FBXL17: variants seen among roughly 807,000 people sequenced by gnomAD.
FBXL17 encodes the protein F-box and leucine rich repeat protein 17, also known as F-box/LRR-repeat protein 17.
FBXL17 carries 22 observed loss-of-function variants against 66.2 expected under a neutral mutation model. That is an observed-to-expected ratio of 0.33 (90% CI 0.24 to 0.47). FBXL17 has a LOEUF of 0.47. Ranked by LOEUF, FBXL17 falls within the 20% of genes least tolerant of loss-of-function variation. The probability of loss-of-function intolerance (pLI) is 1.00; values close to 1 mark genes in which losing one functional copy is unlikely to be tolerated. For synonymous variants in FBXL17, 474 were observed against 400.5 expected (o/e 1.18, Z -2.19); for missense variants, 878 against 948.2 (o/e 0.93, Z 0.97).
intron 7 of FBXL17, among the ~76,000 whole-genome samples, chr5:107,902,575 T>G (rs993661237): frequency 6.6e-6 from 1 of 152,100 alleles, no homozygotes; most frequent in African/African-American, 2.4e-5. Context: ...ACAGGTAAAT[T>G]CGGATTATCC....
intron 7 of FBXL17, among the ~76,000 whole-genome samples, chr5:107,959,065 A>G (rs921458207): frequency 3.3e-5 from 5 of 152,160 alleles, no homozygotes; most frequent in Admixed American, 6.6e-5. Context: ...TGGTGCTTAC[A>G]TCAGAGGGCC....
intron 7 of FBXL17, among the ~76,000 whole-genome samples, chr5:107,940,242 T>TTCATTC (rs1751046683): frequency 6.6e-6 from 1 of 150,956 alleles, no homozygotes; most frequent in African/African-American, 2.4e-5. Flanking sequence ...GAATAAATTT[T>TTCATTC]ATTCATTCAT....
intron 7 of FBXL17, among the ~76,000 whole-genome samples, chr5:107,890,483 A>T (rs1402296048): frequency 6.6e-6 from 1 of 151,882 alleles, no homozygotes; most frequent in African/African-American, 2.4e-5. Context: ...GCAACATGGC[A>T]AAACTTCATC....
chr5:108,034,757 G>A (rs1328330390), intron 6 of FBXL17, among the ~76,000 whole-genome samples: 2 of 151,980 alleles, frequency 1.3e-5, no homozygotes, highest in Non-Finnish European at 2.9e-5. Flanking sequence ...AAACCACTGA[G>A]AAATAACTGC....
chr5:108,125,943 T>G (rs768048377), intron 6 of FBXL17, among the ~76,000 whole-genome samples: 2 of 152,124 alleles, frequency 1.3e-5, no homozygotes, highest in African/African-American at 2.4e-5. Flanking sequence ...TGTATATTCT[T>G]TACGGTCCAA....
intron 4 of FBXL17, among the ~76,000 whole-genome samples, chr5:108,235,060 T>C (rs911054028): frequency 6.6e-6 from 1 of 152,208 alleles, no homozygotes; most frequent in Non-Finnish European, 1.5e-5. Context: ...AAAGATATTT[T>C]GGGAATAATT....
intron 4 of FBXL17, among the ~76,000 whole-genome samples, chr5:108,311,683 C>T (rs1580794417): frequency 2.0e-5 from 3 of 152,032 alleles, no homozygotes; most frequent in Admixed American, 2.0e-4. Flanking sequence ...TGCATAAGCT[C>T]ATGGAGAATC....
chr5:108,019,752 G>A (rs1413386647), intron 7 of FBXL17, among the ~76,000 whole-genome samples: 3 of 151,886 alleles, frequency 2.0e-5, no homozygotes, highest in African/African-American at 7.2e-5. Flanking sequence ...AAGTTTTAGA[G>A]AGATAACCAT....
intron 3 of FBXL17, among the ~76,000 whole-genome samples, chr5:108,362,151 AG>A (rs1446649820): frequency 5.3e-5 from 8 of 152,260 alleles, no homozygotes; most frequent in African/African-American, 1.9e-4. Flanking sequence ...TTTTGCTGAT[AG>A]TACTCTAAGT....
At chr5:107,941,520 T>A (rs1205212369) in intron 7 of FBXL17, among the ~76,000 whole-genome samples, 1 of 152,162 alleles carries the variant, frequency 6.6e-6, no homozygotes, top group Non-Finnish European at 1.5e-5. Flanking sequence ...GGGACCTGGC[T>A]GCAAGCATGT....
Position 108,194,374 on chromosome 5 carries a change from GA to G in FBXL17, c.1615-8128del, listed in dbSNP as rs370521426. On this transcript the variant is annotated intron_variant, in intron 5 of 8. Transcript: ENST00000542267. The stretch of plus-strand genomic sequence containing the variant: ...AAGTCTTTTTGATTAATATAGAGAG[GA>G]AAAAAAAAAGTCTTCGAAATATACT... Among the ~76,000 whole-genome samples the G allele has an allele frequency of 9.5e-5, 14 of 147,844 alleles. No homozygotes were observed. In the East Asian group the frequency reaches 9.8e-4, roughly 10 times the overall value.
At chr5:108,359,756 G>T (rs951548439) in intron 3 of FBXL17, among the ~76,000 whole-genome samples, 2 of 152,106 alleles carry the variant, frequency 1.3e-5, no homozygotes, top group Non-Finnish European at 2.9e-5. Flanking sequence ...CACTTGAGAA[G>T]AATGTGTATT....
intron 6 of FBXL17, among the ~76,000 whole-genome samples, chr5:108,081,938 T>C (rs1422086901): frequency 6.6e-6 from 1 of 152,114 alleles, no homozygotes; most frequent in African/African-American, 2.4e-5. Flanking sequence ...CCCATTACTC[T>C]GGGCTGCAAG....
At chr5:108,030,404 G>C (rs1245983752) in intron 6 of FBXL17, among the ~76,000 whole-genome samples, 1 of 152,120 alleles carries the variant, frequency 6.6e-6, no homozygotes, top group Non-Finnish European at 1.5e-5. Flanking sequence ...GAAAGGAGAA[G>C]GCACATTTCA....
chr5:107,912,201 G>C (rs572674096), intron 7 of FBXL17, among the ~76,000 whole-genome samples: 1 of 152,038 alleles, frequency 6.6e-6, no homozygotes, highest in African/African-American at 2.4e-5. Flanking sequence ...CTTGTGCCAA[G>C]CATGTAACTC....
intron 7 of FBXL17, among the ~76,000 whole-genome samples, chr5:107,949,567 T>C (rs777383695): frequency 1.3e-5 from 2 of 152,032 alleles, no homozygotes; most frequent in African/African-American, 2.4e-5. Flanking sequence ...TATCCAAAAA[T>C]GAGGGGAAAA....
chr5:107,870,730 C>T (rs1391476150), intron 8 of FBXL17, among the ~76,000 whole-genome samples: 3 of 151,810 alleles, frequency 2.0e-5, no homozygotes, highest in Admixed American at 6.6e-5. Flanking sequence ...GGACTACAGG[C>T]GCGTGCCACC....
chr5:108,072,150 A>G (rs1419610749), intron 6 of FBXL17, among the ~76,000 whole-genome samples: 1 of 152,144 alleles, frequency 6.6e-6, no homozygotes, highest in Non-Finnish European at 1.5e-5. Context: ...TCTTATGTTT[A>G]TGCCAGCAAC....
At chr5:108,356,648 G>T (rs996334416) in intron 3 of FBXL17, among the ~76,000 whole-genome samples, 3 of 151,908 alleles carry the variant, frequency 2.0e-5, no homozygotes, top group Non-Finnish European at 4.4e-5. Flanking sequence ...AAAACATCAG[G>T]GGTTGCCAGG....
Sources: allele counts gnomAD v4.1 joint callset (sites outside exome capture counted in the v4.1 genomes callset), GRCh38; gene constraint gnomAD v4.1.1; transcripts MANE v1.5; gene names NCBI Gene and HGNC (gene_info 2026-07-23, HGNC 2026-07-21).